TOP6BL: variants seen among roughly 807,000 people sequenced by gnomAD.
TOP6BL encodes the protein type 2 DNA topoisomerase 6 subunit B-like.
the TOP6BL span, among the ~76,000 whole-genome samples, chr11:66,787,266 A>G: frequency 4.6e-5 from 7 of 152,036 alleles, no homozygotes; most frequent in Non-Finnish European, 7.4e-5. Flanking sequence ...GAATGTGCAC[A>G]CTTTTTTGAG....
At chr11:66,813,580 A>G in the TOP6BL span, among the ~76,000 whole-genome samples, 1 of 152,124 alleles carries the variant, frequency 6.6e-6, no homozygotes, top group Non-Finnish European at 1.5e-5. Flanking sequence ...TAAAAATACA[A>G]AAATTAGTCA....
the TOP6BL span, chr11:66,815,732 C>G: frequency 8.6e-6 from 2 of 232,440 alleles, no homozygotes; most frequent in East Asian, 1.8e-4. Flanking sequence ...GTGAATCTAA[C>G]CTCTTACCAG....
At chr11:66,838,265 G>C in the TOP6BL span, 16 of 944,750 alleles carry the variant, frequency 1.7e-5, no homozygotes, top group Non-Finnish European at 2.5e-5. Flanking sequence ...GGTGAGGGCA[G>C]ATAACCTTGT....
At chr11:66,761,959 C>G in the TOP6BL span, 74 of 1,560,488 alleles carry the variant, frequency 4.7e-5, no homozygotes, top group African/African-American at 8.5e-4. Context: ...ACCTTCTGCC[C>G]TTGCGAGGGT....
At chr11:66,744,916 C>G in the TOP6BL span, 50 of 1,257,490 alleles carry the variant, frequency 4.0e-5, no homozygotes, top group African/African-American at 3.0e-4. Context: ...TGGCCGTGTT[C>G]GAGGTGATGC....
chr11:66,843,436 G>A, the TOP6BL span: 14 of 1,388,998 alleles, frequency 1.0e-5, no homozygotes, highest in Middle Eastern at 2.7e-4. Context: ...TCACTGGTGC[G>A]CGCCGCGGGT....
At chr11:66,792,741 C>G in the TOP6BL span, among the ~76,000 whole-genome samples, 1 of 152,286 alleles carries the variant, frequency 6.6e-6, no homozygotes, top group African/African-American at 2.4e-5. Flanking sequence ...TAAATATCAT[C>G]ATTATTCATT....
the TOP6BL span, among the ~76,000 whole-genome samples, chr11:66,799,004 C>T: frequency 2.6e-5 from 4 of 151,726 alleles, no homozygotes; most frequent in Non-Finnish European, 5.9e-5. Flanking sequence ...GTCAGGAGTT[C>T]GAGACCAGCC....
the TOP6BL span, among the ~76,000 whole-genome samples, chr11:66,766,372 A>G: frequency 5.3e-5 from 8 of 152,222 alleles, no homozygotes; most frequent in Non-Finnish European, 8.8e-5. Flanking sequence ...CTGGATTAAT[A>G]AGCAATGACC....
the TOP6BL span, among the ~76,000 whole-genome samples, chr11:66,780,937 T>G: frequency 1.3e-5 from 2 of 152,194 alleles, no homozygotes. Context: ...ATACCTCCTG[T>G]GTATATGATG....
chr11:66,817,450 G>T, the TOP6BL span, among the ~76,000 whole-genome samples: 1 of 151,808 alleles, frequency 6.6e-6, no homozygotes, highest in Non-Finnish European at 1.5e-5. Context: ...TGATGATGAT[G>T]ATTTTTGAGA....
At chr11:66,783,475 A>G in the TOP6BL span, among the ~76,000 whole-genome samples, 1 of 152,262 alleles carries the variant, frequency 6.6e-6, no homozygotes, top group Non-Finnish European at 1.5e-5. Flanking sequence ...ATCTTCTGAC[A>G]TTTAGCATTG....
the TOP6BL span, among the ~76,000 whole-genome samples, chr11:66,825,336 A>G: frequency 2.0e-5 from 3 of 151,084 alleles, no homozygotes; most frequent in Non-Finnish European, 3.0e-5. Flanking sequence ...AAAAATACAA[A>G]AAAAATTAGC....
the TOP6BL span, among the ~76,000 whole-genome samples, chr11:66,826,086 G>A: frequency 2.0e-5 from 3 of 152,018 alleles, no homozygotes; most frequent in African/African-American, 7.2e-5. Flanking sequence ...CTCGGGATCC[G>A]CCCGCCTTGG....
chr11:66,752,861 G>C, the TOP6BL span, among the ~76,000 whole-genome samples: 1 of 152,150 alleles, frequency 6.6e-6, no homozygotes, highest in Non-Finnish European at 1.5e-5. Context: ...AGGCGCGGTG[G>C]CTCACGCCTA....
the TOP6BL span, among the ~76,000 whole-genome samples, chr11:66,820,783 A>G: frequency 6.6e-6 from 1 of 152,160 alleles, no homozygotes; most frequent in Non-Finnish European, 1.5e-5. Context: ...TACATGGTAT[A>G]TATTTCTGCT....
At chr11:66,831,258 T>G in the TOP6BL span, among the ~76,000 whole-genome samples, 2 of 152,172 alleles carry the variant, frequency 1.3e-5, no homozygotes, top group South Asian at 4.1e-4. Flanking sequence ...CTCCTAGGTA[T>G]TTACCCAAGA....
chr11:66,747,705 A>G, the TOP6BL span, among the ~76,000 whole-genome samples: 2 of 152,102 alleles, frequency 1.3e-5, no homozygotes, highest in Non-Finnish European at 2.9e-5. Flanking sequence ...TTCAGCCTCA[A>G]TCTTATGGGC....
At chr11:66,814,241 T>C in the TOP6BL span, among the ~76,000 whole-genome samples, 1 of 151,896 alleles carries the variant, frequency 6.6e-6, no homozygotes, top group Non-Finnish European at 1.5e-5. Flanking sequence ...CATTGCATGT[T>C]TTTTTTTGTT....
Sources: allele counts gnomAD v4.1 joint callset (sites outside exome capture counted in the v4.1 genomes callset), GRCh38; gene constraint gnomAD v4.1.1; transcripts MANE v1.5; gene names NCBI Gene and HGNC (gene_info 2026-07-23, HGNC 2026-07-21).